BMPER: variants seen among roughly 807,000 people sequenced by gnomAD.
The protein encoded by BMPER is BMP-binding endothelial regulator protein.
A neutral mutation model predicts 87.3 loss-of-function variants in BMPER; 45 were observed. That is an observed-to-expected ratio of 0.52 (90% CI 0.41 to 0.66). BMPER has a LOEUF of 0.66. Ranked by LOEUF, BMPER falls within the 30% of genes least tolerant of loss-of-function variation. The probability of loss-of-function intolerance (pLI) is 0.00; values close to 1 mark genes in which losing one functional copy is unlikely to be tolerated. For missense variants in BMPER, 784 were observed against 867.5 expected (o/e 0.90, Z 1.21); for synonymous variants, 326 against 316.2 (o/e 1.03, Z -0.33).
At chr7:33,955,042 T>C (rs1378610020) in intron 3 of BMPER, among the ~76,000 whole-genome samples, 4 of 152,084 alleles carry the variant, frequency 2.6e-5, no homozygotes, top group African/African-American at 9.7e-5. Context: ...GGATTACAGG[T>C]GCCTGCCACC....
chr7:34,008,055 G>A (rs1277911139), intron 6 of BMPER, among the ~76,000 whole-genome samples: 1 of 151,916 alleles, frequency 6.6e-6, no homozygotes, highest in Non-Finnish European at 1.5e-5. Flanking sequence ...ATTGAGTATA[G>A]TTTAATATCT....
At chr7:34,113,536 GA>G (rs1441349127) in intron 13 of BMPER, among the ~76,000 whole-genome samples, 28 of 149,762 alleles carry the variant, frequency 1.9e-4, no homozygotes, top group Non-Finnish European at 4.0e-4. Flanking sequence ...TATTTTTTTT[GA>G]ACCATCTAGA....
intron 2 of BMPER, among the ~76,000 whole-genome samples, chr7:33,908,808 A>G (rs1215778007): frequency 1.3e-5 from 2 of 152,214 alleles, no homozygotes; most frequent in Non-Finnish European, 2.9e-5. Flanking sequence ...ATATGTTATC[A>G]TGACCTTTGC....
At chr7:34,129,737 TC>T (rs1248593781) in intron 13 of BMPER, among the ~76,000 whole-genome samples, 1 of 152,072 alleles carries the variant, frequency 6.6e-6, no homozygotes, top group African/African-American at 2.4e-5. Flanking sequence ...TTGCCATGAG[TC>T]CCCAAGGGCA....
intron 13 of BMPER, among the ~76,000 whole-genome samples, chr7:34,136,658 C>G (rs1790727488): frequency 6.6e-6 from 1 of 152,162 alleles, no homozygotes; most frequent in African/African-American, 2.4e-5. Context: ...CAAGGAAAGC[C>G]ATATGACCAA....
At chr7:33,983,462 A>T (rs1268431670) in intron 6 of BMPER, among the ~76,000 whole-genome samples, 2 of 152,212 alleles carry the variant, frequency 1.3e-5, no homozygotes, top group African/African-American at 4.8e-5. Context: ...TTACAGAGGA[A>T]TTATTGATAA....
chr7:34,016,466 T>G (rs1279817200), intron 6 of BMPER, among the ~76,000 whole-genome samples: 1 of 152,008 alleles, frequency 6.6e-6, no homozygotes, highest in African/African-American at 2.4e-5. Context: ...TTCCCTTCTC[T>G]TTTAAAATTA....
chr7:34,147,081 C>T (rs149988643), intron 14 of BMPER, among the ~76,000 whole-genome samples: 1 of 152,282 alleles, frequency 6.6e-6, no homozygotes, highest in African/African-American at 2.4e-5. Context: ...GTGCTGGAAA[C>T]GTGGGTGTTT....
intron 3 of BMPER, among the ~76,000 whole-genome samples, chr7:33,948,934 TGAGAGA>T (rs370365732): frequency 4.8e-5 from 7 of 146,586 alleles, no homozygotes; most frequent in Admixed American, 3.4e-4. Context: ...AGAGAGAAAG[TGAGAGA>T]GAGAGAGAGA....
At chr7:33,959,484 A>G (rs1285291321) in intron 3 of BMPER, among the ~76,000 whole-genome samples, 1 of 151,998 alleles carries the variant, frequency 6.6e-6, no homozygotes, top group African/African-American at 2.4e-5. Flanking sequence ...GCCTGTTGAG[A>G]GGCAATGAGA....
At chr7:34,012,487 C>A (rs1411933888) in intron 6 of BMPER, among the ~76,000 whole-genome samples, 1 of 151,750 alleles carries the variant, frequency 6.6e-6, no homozygotes, top group Admixed American at 6.6e-5. Context: ...AAGCTGTCTG[C>A]CAAAAAAGAG....
At chr7:33,992,620 T>G (rs1311373782) in intron 6 of BMPER, among the ~76,000 whole-genome samples, 1 of 149,236 alleles carries the variant, frequency 6.7e-6, no homozygotes, top group East Asian at 2.0e-4. Flanking sequence ...CATTTACATT[T>G]AAAGTTAATA....
chr7:34,120,094 A>C (rs1017139245), intron 13 of BMPER, among the ~76,000 whole-genome samples: 1 of 152,192 alleles, frequency 6.6e-6, no homozygotes, highest in African/African-American at 2.4e-5. Context: ...ACACCTCTTT[A>C]ATCATAAGGG....
At chr7:33,918,653 G>A (rs898005467) in intron 2 of BMPER, among the ~76,000 whole-genome samples, 2 of 152,194 alleles carry the variant, frequency 1.3e-5, no homozygotes, top group African/African-American at 2.4e-5. Flanking sequence ...CTTGGGAGCC[G>A]CTATGCCAAA....
At chr7:34,059,456 T>C (rs1316253986) in intron 10 of BMPER, among the ~76,000 whole-genome samples, 3 of 152,122 alleles carry the variant, frequency 2.0e-5, no homozygotes, top group East Asian at 1.9e-4. Flanking sequence ...CCTTTCATCA[T>C]TGTGGACCAC....
intron 13 of BMPER, among the ~76,000 whole-genome samples, chr7:34,134,436 G>A (rs1043917199): frequency 3.9e-5 from 6 of 152,160 alleles, no homozygotes; most frequent in African/African-American, 1.4e-4. Flanking sequence ...CATCTTGCAA[G>A]ATTTGCCGGG....
At chr7:33,928,287 A>G (rs1258133828) in intron 2 of BMPER, among the ~76,000 whole-genome samples, 1 of 152,112 alleles carries the variant, frequency 6.6e-6, no homozygotes, top group Non-Finnish European at 1.5e-5. Context: ...GGAACTGAGC[A>G]CGGTGGCAGA....
intron 2 of BMPER, among the ~76,000 whole-genome samples, chr7:33,925,456 CA>C (rs1784335740): frequency 6.6e-6 from 1 of 152,004 alleles, no homozygotes; most frequent in Non-Finnish European, 1.5e-5. Context: ...GTGCAATGAG[CA>C]ATATAATTCT....
intron 6 of BMPER, among the ~76,000 whole-genome samples, chr7:34,007,498 A>G (rs1295958182): frequency 6.6e-6 from 1 of 151,960 alleles, no homozygotes; most frequent in African/African-American, 2.4e-5. Context: ...CCATGCATTT[A>G]CAGCCATAAG....
Sources: gnomAD v4.1 joint callset for allele counts (sites outside exome capture counted in the v4.1 genomes callset) on GRCh38, gnomAD v4.1.1 for gene constraint, MANE v1.5 for transcripts, NCBI Gene and HGNC (gene_info 2026-07-23, HGNC 2026-07-21) for gene names.